The following OTUD7B variants were observed in gnomAD, a reference collection of about 807,000 sequenced individuals.
The protein encoded by OTUD7B is OTU deubiquitinase 7B.
A neutral mutation model predicts 82.2 loss-of-function variants in OTUD7B; 34 were observed. The observed-to-expected ratio is 0.41, with a 90% confidence interval of 0.31 to 0.55. The LOEUF is 0.55. Ranked by LOEUF, OTUD7B falls within the 20% of genes least tolerant of loss-of-function variation. The pLI is 0.20. For missense variants in OTUD7B, 944 were observed against 1,062.1 expected (o/e 0.89, Z 1.55); for synonymous variants, 398 against 402.7 (o/e 0.99, Z 0.14).
intron 1 of OTUD7B, among the ~76,000 whole-genome samples, chr1:150,006,332 C>T (rs1553786087): frequency 6.6e-6 from 1 of 152,070 alleles, no homozygotes; most frequent in Non-Finnish European, 1.5e-5. Flanking sequence ...TGGTGGGCGC[C>T]TGTAGTCCCA....
chr1:150,047,769 T>C, the OTUD7B span: 3 of 152,150 alleles, frequency 2.0e-5, no homozygotes, highest in African/African-American at 7.2e-5. Context: ...CTGGCCAACA[T>C]GGTGAAACCA....
intron 6 of OTUD7B, among the ~76,000 whole-genome samples, chr1:149,960,168 C>A (rs782632017): frequency 6.6e-6 from 1 of 151,944 alleles, no homozygotes; most frequent in Non-Finnish European, 1.5e-5. Context: ...GGGTTATTTT[C>A]CTCTTTAAAT....
chr1:150,001,321 A>G (rs1340017839), intron 1 of OTUD7B, among the ~76,000 whole-genome samples: 2 of 152,198 alleles, frequency 1.3e-5, no homozygotes, highest in African/African-American at 4.8e-5. Context: ...TGATGAATAG[A>G]GGAGTCAACA....
In OTUD7B at chr1:150,006,696, T is replaced by C. The variant is rs72692832; in HGVS notation, c.-67+3752A>G. On this transcript the variant is annotated intron_variant, in intron 1 of 11. Coordinates refer to ENST00000581312, the MANE Select transcript of OTUD7B (RefSeq NM_020205.4). ...GTTAAATGCACTTGAAACATAATGC[T>C]GTCCTTACTATAAGCTCTTGAGGAG... Among the ~76,000 whole-genome samples the C allele has an allele frequency of 6.9e-3, 1,054 of 152,328 alleles. 7 individuals are homozygous for C. Among genetic ancestry groups the C allele is most frequent in the Non-Finnish European group, 0.012 (788 of 68,032 alleles).
intron 1 of OTUD7B, among the ~76,000 whole-genome samples, chr1:150,008,181 C>T (rs925413923): frequency 2.8e-4 from 43 of 152,142 alleles, no homozygotes; most frequent in African/African-American, 9.7e-4. Context: ...TTCTTCAACC[C>T]CTTTGATCCC....
intron 1 of OTUD7B, among the ~76,000 whole-genome samples, chr1:150,002,247 A>T (rs936136372): frequency 3.9e-5 from 6 of 151,904 alleles, no homozygotes; most frequent in Non-Finnish European, 1.5e-5. Context: ...TCAGTGCCCA[A>T]TTTATCATAG....
At chr1:150,061,047 C>CAA in the OTUD7B span, among the ~76,000 whole-genome samples, 187 of 1,574 alleles carry the variant, frequency 0.12, no homozygotes, top group African/African-American at 0.26. Context: ...AAACAAAAAA[C>CAA]AAAAAAAATT....
At position 149,976,633 on chromosome 1, in the gene OTUD7B, A is replaced by AT. The variant is rs1176193849; in HGVS notation, c.85+792_85+793insA. Among the ~76,000 whole-genome samples the AT allele has an allele frequency of 4.3e-4, 44 of 102,642 alleles. 20 individuals are homozygous for AT. Among genetic ancestry groups the AT allele is most frequent in the Admixed American group, 6.0e-4 (5 of 8,318 alleles). 67.3% of individuals were successfully genotyped at this position (102,642 alleles called of 152,430 possible). Reference sequence around the variant, plus strand: ...TCTACAAAAAAAAAAAAAAAAAAATACTAGAACATTCAAACTTATGTGTAT... The same window carrying AT: ...TCTACAAAAAAAAAAAAAAAAAAATATCTAGAACATTCAAACTTATGTGTAT... On this transcript the variant is annotated intron_variant, in intron 2 of 11. Transcript: ENST00000581312.
At position 149,967,646 on chromosome 1, in the gene OTUD7B, C is replaced by A. The variant is rs1553776931; in HGVS notation, c.275-125G>T. ...GAGAAAAACTAAGTCTAACTGACTA[C>A]TGAATTTCAGAACCCTTTTTCTGAA... On this transcript the variant is annotated intron_variant, in intron 3 of 11. Coordinates refer to ENST00000581312, the MANE Select transcript of OTUD7B (RefSeq NM_020205.4). 9.5e-6 allele frequency: 6 copies of A among 629,218 alleles called. No homozygotes were observed. The Admixed American group carries it at 2.2e-4, about 23-fold the overall frequency. 39.0% of individuals were successfully genotyped at this position (629,218 alleles called of 1,614,324 possible). A position where few individuals can be genotyped will look rare whatever the true frequency, so the allele number is the denominator to read the frequency against.
At chr1:150,000,400 TG>T (rs1224101013) in intron 1 of OTUD7B, among the ~76,000 whole-genome samples, 2 of 151,610 alleles carry the variant, frequency 1.3e-5, no homozygotes, top group Non-Finnish European at 2.9e-5. Context: ...ACTTGAACGC[TG>T]GAGGTAGATA....
At chr1:150,066,084 CTTCT>C in the OTUD7B span, among the ~76,000 whole-genome samples, 1 of 152,098 alleles carries the variant, frequency 6.6e-6, no homozygotes, top group Non-Finnish European at 1.5e-5. The surrounding 1 kb of genome is among the most constrained non-coding windows in gnomAD (Gnocchi z 4.6). Flanking sequence ...TCTTTATCTC[CTTCT>C]TTCTTAAAAA....
At chr1:149,977,631 A>G (rs1650417822) in intron 1 of OTUD7B, 55 bp from the exon 2 acceptor site, 2 of 702,462 alleles carry the variant, frequency 2.8e-6, no homozygotes, top group Non-Finnish European at 2.5e-6. Context: ...GGATAATCAC[A>G]GTCCCATGTC....
At chr1:149,980,860 T>A (rs1200548314) in intron 1 of OTUD7B, among the ~76,000 whole-genome samples, 2 of 151,844 alleles carry the variant, frequency 1.3e-5, no homozygotes, top group African/African-American at 4.8e-5. Flanking sequence ...AAACCTTTTT[T>A]AAACTAATTA....
At chr1:149,966,167 T>C (rs1454132353) in intron 4 of OTUD7B, among the ~76,000 whole-genome samples, 9 of 152,224 alleles carry the variant, frequency 5.9e-5, no homozygotes, top group African/African-American at 2.2e-4. Flanking sequence ...TGGTATCTAA[T>C]GGGTAGAGGC....
At chr1:150,049,746 C>T in the OTUD7B span, among the ~76,000 whole-genome samples, 1 of 151,084 alleles carries the variant, frequency 6.6e-6, no homozygotes, top group Non-Finnish European at 1.5e-5. Flanking sequence ...CAAACCACCA[C>T]GCAATTAATT....
In OTUD7B at chr1:149,944,635, C is replaced by G. The variant is rs587731410; in HGVS notation, c.1754G>C (p.Gly585Ala). ...CATCACCTCCTGGCTATACTTGCTC[C>G]CTCCGTTACCAACAGACTCAGCTGG... ...KPPAESVGNGGSKYSQEVMQS... is the reference protein window; with the variant it reads ...KPPAESVGNGASKYSQEVMQS... The change falls in exon 12 of 12, where the codon GGG (glycine) becomes GCG (alanine). Residue 585 changes from glycine (G) to alanine (A), a missense_variant. By Grantham distance (60) the Gly-to-Ala change is moderately conservative (BLOSUM62 0). Around this residue, in one of 3 missense-constraint regions of OTUD7B, gnomAD observed 412 missense variants for 418.7 expected, o/e 0.98. Transcript: ENST00000581312. 1.9e-5 allele frequency: 30 copies of G among 1,614,060 alleles called. No individual in the cohort carries two copies. The highest frequency in any genetic ancestry group is 1.6e-4 in the South Asian group (15 of 91,084).
At chr1:149,985,746 G>A (rs1409294638) in intron 1 of OTUD7B, among the ~76,000 whole-genome samples, 3 of 145,406 alleles carry the variant, frequency 2.1e-5, no homozygotes, top group Non-Finnish European at 3.0e-5. Context: ...GACCCTGTAT[G>A]AAAAAAAAAA....
At chr1:149,964,419 A>G in intron 5 of OTUD7B, 70 bp from the exon 6 acceptor site, 6 of 1,518,744 alleles carry the variant, frequency 4.0e-6, no homozygotes, top group Non-Finnish European at 5.4e-6. Flanking sequence ...TTTAGTAGAG[A>G]TGGGGTTTCA....
rs1559822169 is a variant in OTUD7B at position 149,944,981 on chromosome 1, C to T, written c.1408G>A (p.Glu470Lys). The T allele has an allele frequency of 3.1e-6, 5 of 1,614,084 alleles. No individual in the cohort carries two copies. The highest frequency in any genetic ancestry group is 4.2e-6 in the Non-Finnish European group (5 of 1,180,038). Residue 470 changes from glutamate (E) to lysine (K), a missense_variant, in exon 12 of 12, where the codon GAG becomes AAG. By Grantham distance (56) the Glu-to-Lys change is moderately conservative. Coordinates refer to ENST00000581312, the MANE Select transcript of OTUD7B (RefSeq NM_020205.4). ...STPESGDSDK[E>K]SVGSSSTSNE... ...CTGGTGGAACTGCTGCCAACTGACTCCTTGTCTGAGTCTCCAGACTCAGGA... is the reference window on the plus strand; with the variant it reads ...CTGGTGGAACTGCTGCCAACTGACTTCTTGTCTGAGTCTCCAGACTCAGGA...
Sources: gnomAD v4.1 joint callset for allele counts (sites outside exome capture counted in the v4.1 genomes callset) on GRCh38, gnomAD v4.1.1 for gene constraint, gnomAD v4.1.1 regional missense constraint, Gnocchi (gnomAD v3.1) non-coding constraint, MANE v1.5 for transcripts, NCBI Gene and HGNC (gene_info 2026-07-23, HGNC 2026-07-21) for gene names.